Variants in RIN3 observed in about 807,000 individuals in gnomAD.
RIN3 encodes RAB5 interacting protein 3.
Under a neutral mutation model 76.3 loss-of-function variants are expected in RIN3, and 54 were observed. That is an observed-to-expected ratio of 0.71 (90% confidence interval 0.57 to 0.89). RIN3 has a LOEUF of 0.89. Among genes scored for constraint, RIN3 ranks in the 40% least tolerant of loss-of-function variants. The pLI, the probability that RIN3 is intolerant of heterozygous loss-of-function variation, is 0.00. For synonymous variants in RIN3, 576 were observed against 564.0 expected, an observed-to-expected ratio of 1.02 and a Z score of -0.30; for missense variants, 1,256 against 1,322.1, an observed-to-expected ratio of 0.95 and a Z score of 0.78.
chr14:92,608,143 C>A (rs1041974079), intron 3 of RIN3, among the ~76,000 whole-genome samples: 2 of 151,816 alleles, frequency 1.3e-5, no homozygotes, highest in African/African-American at 2.4e-5. Flanking sequence ...ACTATACAAA[C>A]ACACACACAC....
intron 3 of RIN3, among the ~76,000 whole-genome samples, chr14:92,609,859 GTGTGTGTGTGTGTGTGTGTGTGTGTGTA>G (rs1885662120): frequency 9.0e-6 from 1 of 111,444 alleles, no homozygotes; most frequent in Admixed American, 1.1e-4. Context: ...GTGTGTGTGT[GTGTGTGTGTGTGTGTGTGTGTGTGTGTA>G]TGTATGTGTG....
intron 7 of RIN3, 71 bp from the exon 8 acceptor site, chr14:92,676,404 T>G: frequency 6.4e-7 from 1 of 1,568,232 alleles, no homozygotes; most frequent in Non-Finnish European, 8.7e-7. Flanking sequence ...CACTGTCCCC[T>G]ACCCTGGGCA....
chr14:92,627,722 G>A (rs1172337819), intron 4 of RIN3, among the ~76,000 whole-genome samples: 3 of 152,200 alleles, frequency 2.0e-5, no homozygotes, highest in South Asian at 2.1e-4. Flanking sequence ...TTGAGGCCAC[G>A]TCAGCAAGGC....
At position 92,643,332 on chromosome 14, in the gene RIN3, G is replaced by A. The variant is rs369883823; in HGVS notation, c.532+2003G>A. Among the ~76,000 whole-genome samples, 5 of 152,136 alleles carry A rather than the reference G, an allele frequency of 3.3e-5. No homozygotes were observed. The highest frequency in any genetic ancestry group is 2.1e-4 in the South Asian group (1 of 4,822). On this transcript the variant is annotated intron_variant, in intron 5 of 9. Coordinates refer to ENST00000216487, the MANE Select transcript of RIN3 (RefSeq NM_024832.5). This position sits in a 1 kb window ranked among gnomAD's most constrained non-coding sequence, Gnocchi z 4.8. ...CTCCCAAAGTGCTGGGATTACAGGC[G>A]TGAGCCACCACACCCGGCCGCCTCT...
intron 3 of RIN3, among the ~76,000 whole-genome samples, chr14:92,610,128 ACAGT>A (rs1885676804): frequency 6.6e-6 from 1 of 152,180 alleles, no homozygotes; most frequent in African/African-American, 2.4e-5. Context: ...AACCATCATC[ACAGT>A]CAGTTAAGAA....
chr14:92,652,507 G>A lies in RIN3; in HGVS notation c.1458G>A (p.Gln486=). Residue 486 remains glutamine (Q), a synonymous_variant, in exon 6 of 10, where the codon CAG becomes CAA. Coordinates refer to ENST00000216487, the MANE Select transcript of RIN3 (RefSeq NM_024832.5). This position sits in a 1 kb window ranked among gnomAD's most constrained non-coding sequence, Gnocchi z 6.4. ...APLENAELCT[Q]AMALETPTPG... ...TAGAGAACGCTGAGCTCTGCACACAGGCGATGGCCTTGGAGACACCCACGC... is the reference window on the plus strand; with the variant it reads ...TAGAGAACGCTGAGCTCTGCACACAAGCGATGGCCTTGGAGACACCCACGC... The A allele has an allele frequency of 6.2e-7, 1 of 1,614,010 alleles. No individual in the cohort carries two copies. Among genetic ancestry groups the A allele is most frequent in the Non-Finnish European group, 8.5e-7 (1 of 1,180,012 alleles).
At chr14:92,541,956 G>A (rs1897140555) in intron 1 of RIN3, among the ~76,000 whole-genome samples, 1 of 152,092 alleles carries the variant, frequency 6.6e-6, no homozygotes, top group African/African-American at 2.4e-5. Flanking sequence ...TCAAAAATAG[G>A]TAAAGGATCT....
intron 6 of RIN3, among the ~76,000 whole-genome samples, chr14:92,654,682 G>C (rs1887598979): frequency 1.3e-5 from 2 of 152,216 alleles, no homozygotes; most frequent in Admixed American, 1.3e-4. Flanking sequence ...GGGGTGATGG[G>C]ATTGAGATCT....
At chr14:92,588,525 T>C (rs766457500) in intron 3 of RIN3, among the ~76,000 whole-genome samples, 6 of 151,816 alleles carry the variant, frequency 4.0e-5, no homozygotes, top group Non-Finnish European at 7.4e-5. Context: ...CATGCCCAGC[T>C]GCCATAGCAC....
intron 4 of RIN3, among the ~76,000 whole-genome samples, chr14:92,626,580 G>A (rs1280512965): frequency 6.6e-6 from 1 of 152,160 alleles, no homozygotes. Flanking sequence ...CTTCTTACAT[G>A]GTAGTCCCTT....
chr14:92,672,097 C>T (rs1334258053), intron 7 of RIN3, among the ~76,000 whole-genome samples: 1 of 152,078 alleles, frequency 6.6e-6, no homozygotes, highest in African/African-American at 2.4e-5. Flanking sequence ...GTCAGGAGTG[C>T]TGTTACTTTG....
chr14:92,608,252 G>C (rs1179089061), intron 3 of RIN3, among the ~76,000 whole-genome samples: 1 of 152,174 alleles, frequency 6.6e-6, no homozygotes, highest in African/African-American at 2.4e-5. Flanking sequence ...AATTATGACC[G>C]ATGTTACCAC....
chr14:92,517,792 C>T (rs1422952684), intron 1 of RIN3, among the ~76,000 whole-genome samples: 1 of 152,218 alleles, frequency 6.6e-6, no homozygotes, highest in South Asian at 2.1e-4. Flanking sequence ...TGGATCTCCC[C>T]TCCGTCCTAC....
chr14:92,598,663 A>G (rs1311511813), intron 3 of RIN3, among the ~76,000 whole-genome samples: 6 of 152,190 alleles, frequency 3.9e-5, no homozygotes, highest in African/African-American at 1.4e-4. Flanking sequence ...TGAGTTGTTA[A>G]CACTGTGTTG....
intron 4 of RIN3, among the ~76,000 whole-genome samples, chr14:92,631,879 G>A (rs953929082): frequency 2.2e-4 from 34 of 152,252 alleles, no homozygotes; most frequent in African/African-American, 7.0e-4. Context: ...AGGAATCTGC[G>A]TTTATAATAA....
chr14:92,580,022 A>G (rs1898385193), intron 3 of RIN3, among the ~76,000 whole-genome samples: 1 of 152,260 alleles, frequency 6.6e-6, no homozygotes, highest in South Asian at 2.1e-4. Flanking sequence ...ATGCAGAAGC[A>G]GGTTACCTTT....
In RIN3 at chr14:92,656,876, G is replaced by T. The variant is rs1887689582; in HGVS notation, c.2027-2285G>T. On this transcript the variant is annotated intron_variant, in intron 6 of 9. Coordinates refer to ENST00000216487, the MANE Select transcript of RIN3 (RefSeq NM_024832.5). The surrounding 1 kb of genome is among the most constrained non-coding windows in gnomAD (Gnocchi z 5.2). Reference sequence around the variant, plus strand: ...ACCAGATGGGCTTGGCTATTGTCATGCCCAAGAAGCCACAGCTCAGAGAGG... The same window carrying T: ...ACCAGATGGGCTTGGCTATTGTCATTCCCAAGAAGCCACAGCTCAGAGAGG... Among the ~76,000 whole-genome samples the T allele has an allele frequency of 6.6e-6, 1 of 152,218 alleles. No homozygotes were observed. Among genetic ancestry groups the T allele is most frequent in the Admixed American group, 6.5e-5 (1 of 15,292 alleles).
intron 1 of RIN3, among the ~76,000 whole-genome samples, chr14:92,530,319 A>G (rs1315250326): frequency 1.3e-5 from 2 of 152,224 alleles, no homozygotes; most frequent in Non-Finnish European, 2.9e-5. Context: ...TCGAAAGGAC[A>G]GTTTCCAAGA....
At chr14:92,544,911 C>T (rs1897222093) in intron 1 of RIN3, among the ~76,000 whole-genome samples, 1 of 152,086 alleles carries the variant, frequency 6.6e-6, no homozygotes, top group Non-Finnish European at 1.5e-5. Context: ...TTTTTCTCCT[C>T]AGTTCAAGGG....
Sources: gnomAD v4.1 joint callset for allele counts (sites outside exome capture counted in the v4.1 genomes callset) on GRCh38, gnomAD v4.1.1 for gene constraint, Gnocchi (gnomAD v3.1) non-coding constraint, MANE v1.5 for transcripts, NCBI Gene and HGNC (gene_info 2026-07-23, HGNC 2026-07-21) for gene names.